CACNA2D1: variants seen among roughly 807,000 people sequenced by gnomAD.
CACNA2D1 encodes voltage-dependent calcium channel subunit alpha-2/delta-1.
CACNA2D1 carries 53 observed loss-of-function variants against 171.5 expected under a neutral mutation model. The observed-to-expected ratio is 0.31, with a 90% CI of 0.25 to 0.39. The LOEUF (loss-of-function observed/expected upper bound fraction) is 0.39, where lower values mean the gene tolerates loss of function less well. Among genes scored for constraint, CACNA2D1 ranks in the 10% least tolerant of loss-of-function variants. The pLI is 1.00. For missense variants in CACNA2D1, 903 were observed against 1,299.8 expected, an observed-to-expected ratio of 0.69 and a Z score of 4.69; for synonymous variants, 442 against 443.1, an observed-to-expected ratio of 1.00 and a Z score of 0.03.
intron 1 of CACNA2D1, among the ~76,000 whole-genome samples, chr7:82,442,529 T>C (rs1003772317): frequency 6.6e-6 from 1 of 152,234 alleles, no homozygotes; most frequent in Non-Finnish European, 1.5e-5. Flanking sequence ...AGAATTATTA[T>C]TTTTCATTCC....
At chr7:81,962,624 G>A in intron 34 of CACNA2D1, 129 bp from the exon 35 acceptor site, 1 of 672,494 alleles carries the variant, frequency 1.5e-6, no homozygotes, top group East Asian at 2.8e-5. Context: ...TTTTATTTAA[G>A]TATTTTCAAA....
chr7:82,384,572 T>TA (rs1224137914), intron 1 of CACNA2D1, among the ~76,000 whole-genome samples: 162 of 147,638 alleles, frequency 1.1e-3, no homozygotes, highest in Middle Eastern at 3.5e-3. Flanking sequence ...ATTTTGAAAT[T>TA]AAAAAAAAAA....
At chr7:81,983,845 C>T (rs550106146) in intron 22 of CACNA2D1, among the ~76,000 whole-genome samples, 1 of 152,154 alleles carries the variant, frequency 6.6e-6, no homozygotes, top group African/African-American at 2.4e-5. Context: ...CTGTAGCTTA[C>T]TTTAAGATCA....
chr7:82,327,647 T>C (rs914582537), intron 3 of CACNA2D1, among the ~76,000 whole-genome samples: 1 of 152,186 alleles, frequency 6.6e-6, no homozygotes, highest in Non-Finnish European at 1.5e-5. Flanking sequence ...GAGAATGTGG[T>C]AGAGGTCTAT....
intron 1 of CACNA2D1, among the ~76,000 whole-genome samples, chr7:82,402,998 A>G (rs1194238828): frequency 6.6e-6 from 1 of 152,144 alleles, no homozygotes; most frequent in Non-Finnish European, 1.5e-5. Context: ...TAAAAGTAGG[A>G]TAAGAAAAAC....
chr7:82,215,478 C>T (rs1259751977), intron 3 of CACNA2D1, among the ~76,000 whole-genome samples: 2 of 152,096 alleles, frequency 1.3e-5, no homozygotes, highest in African/African-American at 4.8e-5. Flanking sequence ...CTTGTAATTT[C>T]ACTCCAAATA....
intron 3 of CACNA2D1, among the ~76,000 whole-genome samples, chr7:82,286,900 T>A (rs1810857626): frequency 6.6e-6 from 1 of 152,160 alleles, no homozygotes; most frequent in Admixed American, 6.6e-5. Flanking sequence ...TGGAACACAT[T>A]TAACTTATCT....
At chr7:82,173,036 C>T (rs1044027252) in intron 3 of CACNA2D1, among the ~76,000 whole-genome samples, 3 of 151,980 alleles carry the variant, frequency 2.0e-5, no homozygotes, top group African/African-American at 7.2e-5. Flanking sequence ...ATGCAGTTTC[C>T]AAGGTACCAG....
intron 3 of CACNA2D1, among the ~76,000 whole-genome samples, chr7:82,311,734 T>C (rs1319108936): frequency 6.6e-6 from 1 of 152,192 alleles, no homozygotes; most frequent in African/African-American, 2.4e-5. Context: ...CAGGACACAA[T>C]TGAAGACACT....
chr7:82,436,945 T>C (rs2129459499), intron 1 of CACNA2D1, among the ~76,000 whole-genome samples: 2 of 152,274 alleles, frequency 1.3e-5, no homozygotes, highest in South Asian at 4.1e-4. Context: ...CCTAAGGTAT[T>C]GGGCAAATAT....
Position 81,950,264 on chromosome 7 carries a change from T to G in CACNA2D1, c.*128A>C. 2 of 1,567,764 alleles carry G rather than the reference T, an allele frequency of 1.3e-6. No homozygotes were observed. Among genetic ancestry groups the G allele is most frequent in the African/African-American group, 1.3e-5 (1 of 74,266 alleles). On this transcript the variant is annotated 3_prime_UTR_variant, in exon 39 of 39. Transcript: ENST00000356860. ...CTTAGGAGTCTGCGCCTTAGTGTTATGCCATGGAACAGGCCCAGCTAATGT... is the reference window on the plus strand; with the variant it reads ...CTTAGGAGTCTGCGCCTTAGTGTTAGGCCATGGAACAGGCCCAGCTAATGT...
intron 10 of CACNA2D1, among the ~76,000 whole-genome samples, chr7:82,060,187 A>ATAATATATATATAATATATATG: frequency 7.6e-5 from 1 of 13,098 alleles, no homozygotes; most frequent in South Asian, 2.6e-3. Context: ...TAATATATAT[A>ATAATATATATATAATATATATG]TATTATATAT....
chr7:82,334,205 T>A (rs541852819), intron 3 of CACNA2D1, among the ~76,000 whole-genome samples: 26 of 152,280 alleles, frequency 1.7e-4, no homozygotes, highest in African/African-American at 5.8e-4. Flanking sequence ...CCAGAATATG[T>A]ATCAATGTGG....
intron 1 of CACNA2D1, among the ~76,000 whole-genome samples, chr7:82,437,897 C>T (rs1383847495): frequency 6.6e-6 from 1 of 152,056 alleles, no homozygotes; most frequent in Non-Finnish European, 1.5e-5. Flanking sequence ...ATCACACCAC[C>T]AAATATGTTT....
At chr7:82,254,457 A>AAT (rs140558483) in intron 3 of CACNA2D1, among the ~76,000 whole-genome samples, 400 of 151,914 alleles carry the variant, frequency 2.6e-3, no homozygotes, top group Middle Eastern at 3.4e-3. Context: ...ATTATGATTT[A>AAT]ATATATATAT....
intron 1 of CACNA2D1, among the ~76,000 whole-genome samples, chr7:82,353,472 T>G (rs929160897): frequency 6.6e-6 from 1 of 151,988 alleles, no homozygotes; most frequent in East Asian, 1.9e-4. Context: ...ATGGCATGGG[T>G]TTAAAGCTCT....
intron 3 of CACNA2D1, among the ~76,000 whole-genome samples, chr7:82,294,735 A>T (rs1812057375): frequency 6.6e-6 from 1 of 152,156 alleles, no homozygotes; most frequent in Non-Finnish European, 1.5e-5. Flanking sequence ...AGAAAATTTA[A>T]ACCAACAGCC....
At chr7:82,092,557 T>G (rs916937701) in intron 6 of CACNA2D1, among the ~76,000 whole-genome samples, 2 of 117,394 alleles carry the variant, frequency 1.7e-5, no homozygotes, top group Non-Finnish European at 3.9e-5. Context: ...TTTTTTTTTT[T>G]TTTTTTTTGT....
intron 12 of CACNA2D1, among the ~76,000 whole-genome samples, chr7:82,032,435 AATAAT>A (rs1227479548): frequency 2.6e-5 from 4 of 151,646 alleles, no homozygotes; most frequent in Non-Finnish European, 5.9e-5. Flanking sequence ...TTAATAATTA[AATAAT>A]ATAATAAATT....
Sources: gnomAD v4.1 joint callset for allele counts (sites outside exome capture counted in the v4.1 genomes callset) on GRCh38, gnomAD v4.1.1 for gene constraint, MANE v1.5 for transcripts, NCBI Gene and HGNC (gene_info 2026-07-23, HGNC 2026-07-21) for gene names.